The following LTBP1 variants were observed in gnomAD, a reference collection of about 807,000 sequenced individuals.
LTBP1 encodes the protein latent transforming growth factor beta binding protein 1.
In LTBP1, 129 loss-of-function variants were observed where a neutral mutation model predicts 207.6. The observed-to-expected ratio is 0.62, with a 90% confidence interval of 0.54 to 0.72. The LOEUF (loss-of-function observed/expected upper bound fraction) is 0.72, where lower values mean the gene tolerates loss of function less well. LTBP1 is among the 30% of genes least tolerant of loss of function. LTBP1 has a pLI of 0.00. For missense variants in LTBP1, 2,281 were observed against 2,217.2 expected (o/e 1.03, Z -0.58); for synonymous variants, 963 against 833.7 (o/e 1.16, Z -2.67).
chr2:33,163,588 A>G lies in LTBP1; in HGVS notation c.1202-23268A>G, dbSNP rs556363110. On this transcript the variant is annotated intron_variant, in intron 5 of 33. Coordinates refer to ENST00000404816, the MANE Select transcript of LTBP1 (RefSeq NM_206943.4). ...TGTATGATAGCAGAGTAGAGTGACTATAGTTAGCAAAAACGCATTATAGTT... is the reference window on the plus strand; with the variant it reads ...TGTATGATAGCAGAGTAGAGTGACTGTAGTTAGCAAAAACGCATTATAGTT... 5.3e-5 allele frequency among the ~76,000 whole-genome samples: 8 copies of G among 152,326 alleles called. No homozygotes were observed. In the South Asian group the frequency reaches 1.4e-3, roughly 28 times the overall value.
chr2:33,303,248 A>G (rs1194774608), intron 22 of LTBP1, among the ~76,000 whole-genome samples: 1 of 152,048 alleles, frequency 6.6e-6, no homozygotes, highest in African/African-American at 2.4e-5. Context: ...TTTGGCACAC[A>G]GGGACCAGTT....
intron 3 of LTBP1, among the ~76,000 whole-genome samples, chr2:33,023,235 C>A (rs534070903): frequency 3.3e-5 from 5 of 152,186 alleles, no homozygotes; most frequent in African/African-American, 1.2e-4. Context: ...TTATGACTTA[C>A]ATAAACTGTA....
At chr2:33,348,336 T>C (rs1387833927) in intron 26 of LTBP1, among the ~76,000 whole-genome samples, 3 of 152,192 alleles carry the variant, frequency 2.0e-5, no homozygotes, top group African/African-American at 4.8e-5. Context: ...TATGAAAATA[T>C]TTTCACCCAC....
At chr2:33,188,335 C>T (rs375831624) in intron 6 of LTBP1, among the ~76,000 whole-genome samples, 26 of 149,782 alleles carry the variant, frequency 1.7e-4, no homozygotes, top group Middle Eastern at 6.8e-3. Flanking sequence ...GCAGGAGAAT[C>T]GCTTGAACCT....
chr2:32,998,663 G>A (rs966407498), intron 2 of LTBP1, among the ~76,000 whole-genome samples: 1 of 152,112 alleles, frequency 6.6e-6, no homozygotes, highest in Non-Finnish European at 1.5e-5. Flanking sequence ...GGGCCTTTGG[G>A]AGATAATTCA....
intron 5 of LTBP1, among the ~76,000 whole-genome samples, chr2:33,164,286 G>A (rs1377501517): frequency 2.1e-5 from 3 of 146,022 alleles, no homozygotes; most frequent in Non-Finnish European, 4.5e-5. Flanking sequence ...GGAGGCGGAG[G>A]TTGCAGTGAG....
At position 33,194,531 on chromosome 2, in the gene LTBP1, C is replaced by T. The variant is rs533365199; in HGVS notation, c.1701+5680C>T. 1.4e-4 allele frequency among the ~76,000 whole-genome samples: 21 copies of T among 152,318 alleles called. No homozygotes were observed. The East Asian group carries it at 2.1e-3, about 15-fold the overall frequency. On this transcript the variant is annotated intron_variant, in intron 7 of 33. Coordinates refer to ENST00000404816, the MANE Select transcript of LTBP1 (RefSeq NM_206943.4). The stretch of plus-strand genomic sequence containing the variant: ...GGTCTAGAACCAGCCACAACATTCT[C>T]TTCAGCCAGAGCTCAATCCAGAACA...
intron 4 of LTBP1, among the ~76,000 whole-genome samples, chr2:33,120,444 G>A (rs1395570615): frequency 1.3e-5 from 2 of 152,038 alleles, no homozygotes; most frequent in African/African-American, 4.8e-5. Context: ...TGTGGTATTC[G>A]GTTTTCTGTT....
At position 33,134,841 on chromosome 2, in the gene LTBP1, G is replaced by A; in HGVS notation, c.1082G>A (p.Cys361Tyr). ...AAGGTGGTCTTTACTCCGAGCATCT[G>A]TAAAGTGACCTGCACCAAGGGCAGC... ...RIKVVFTPSI[C>Y]KVTCTKGSCQ... The change falls in exon 5 of 34, where the codon TGT becomes TAT. Residue 361 changes from cysteine (C) to tyrosine (Y), a missense_variant. By Grantham distance (194) the Cys-to-Tyr change is radical. Transcript: ENST00000404816. This position sits in a 1 kb window ranked among gnomAD's most constrained non-coding sequence, Gnocchi z 4.4. 1 of 1,614,100 alleles carries A rather than the reference G, an allele frequency of 6.2e-7. No individual in the cohort carries two copies. Among genetic ancestry groups the A allele is most frequent in the Non-Finnish European group, 8.5e-7 (1 of 1,180,022 alleles).
At chr2:33,390,872 C>A (rs2095309042) in intron 32 of LTBP1, among the ~76,000 whole-genome samples, 2 of 152,134 alleles carry the variant, frequency 1.3e-5, no homozygotes, top group South Asian at 4.1e-4. Flanking sequence ...AAGCTTTTTT[C>A]TGTCCTGGGC....
At chr2:33,338,818 T>C (rs546478150) in intron 24 of LTBP1, among the ~76,000 whole-genome samples, 1 of 152,240 alleles carries the variant, frequency 6.6e-6, no homozygotes, top group African/African-American at 2.4e-5. Flanking sequence ...CAAAGACCTC[T>C]AGTATGCTAA....
chr2:33,218,112 A>G (rs2090849730), intron 8 of LTBP1, among the ~76,000 whole-genome samples: 1 of 152,352 alleles, frequency 6.6e-6, no homozygotes, highest in African/African-American at 2.4e-5. Context: ...TTAAAAGGAA[A>G]GCTAAAATGG....
intron 2 of LTBP1, among the ~76,000 whole-genome samples, chr2:32,969,173 G>T (rs1044639320): frequency 6.7e-6 from 1 of 150,212 alleles, no homozygotes; most frequent in African/African-American, 2.5e-5. Context: ...TGATCCACCT[G>T]CATCGGCCTC....
intron 3 of LTBP1, among the ~76,000 whole-genome samples, chr2:33,090,926 T>G (rs1433378125): frequency 6.6e-6 from 1 of 152,210 alleles, no homozygotes; most frequent in Non-Finnish European, 1.5e-5. Flanking sequence ...TGGGGCAGAA[T>G]GTGGAAATAC....
rs549806132 is a variant in LTBP1, at chr2:33,187,155, C to T, written c.1426+75C>T. The T allele has an allele frequency of 7.4e-5, 99 of 1,332,988 alleles. 1 individual carries two copies. Among genetic ancestry groups the T allele is most frequent in the East Asian group, 5.8e-4 (24 of 41,662 alleles). 82.6% of individuals were successfully genotyped at this position (1,332,988 alleles called of 1,614,324 possible). The stretch of plus-strand genomic sequence containing the variant: ...AACCCACATAGAAGTCAAGGATCTG[C>T]GGGTGGCCAGGGCTGGTATTGAAAC... On this transcript the variant is annotated intron_variant, in intron 6 of 33. Transcript: ENST00000404816.
At position 33,139,343 on chromosome 2, in the gene LTBP1, A is replaced by G. The variant is rs74553638; in HGVS notation, c.1201+4383A>G. 7.6e-3 allele frequency among the ~76,000 whole-genome samples: 1,159 copies of G among 152,312 alleles called. 16 individuals carry two copies. The highest frequency in any genetic ancestry group is 0.038 in the Middle Eastern group (11 of 292). On this transcript the variant is annotated intron_variant, in intron 5 of 33. Transcript: ENST00000404816. ...CTCCCATGTTGCCTCCTATGACCAT[A>G]TATTAAGTGACTATGTATAAAACAT...
At chr2:33,247,717 A>G (rs1375895154) in intron 10 of LTBP1, among the ~76,000 whole-genome samples, 1 of 152,364 alleles carries the variant, frequency 6.6e-6, no homozygotes, top group East Asian at 1.9e-4. Flanking sequence ...CACCTCATAC[A>G]GCAGCCACTA....
chr2:33,200,648 C>G (rs1031432908), intron 7 of LTBP1, among the ~76,000 whole-genome samples: 3 of 152,114 alleles, frequency 2.0e-5, no homozygotes, highest in African/African-American at 7.2e-5. Flanking sequence ...AACTAAAGAG[C>G]TTCTGCACAG....
intron 7 of LTBP1, among the ~76,000 whole-genome samples, chr2:33,202,024 C>CACACACACAGACACACACACAG (rs1318054587): frequency 2.4e-5 from 1 of 42,294 alleles, no homozygotes; most frequent in African/African-American, 5.7e-5. Flanking sequence ...AGCACTGGAA[C>CACACACACAGACACACACACAG]ACACACACAC....
Sources: allele counts gnomAD v4.1 joint callset (sites outside exome capture counted in the v4.1 genomes callset), GRCh38; gene constraint gnomAD v4.1.1; non-coding constraint Gnocchi (gnomAD v3.1); transcripts MANE v1.5; gene names NCBI Gene and HGNC (gene_info 2026-07-23, HGNC 2026-07-21).